ITGA1: variants seen among roughly 807,000 people sequenced by gnomAD.
The protein encoded by ITGA1 is integrin alpha-1.
In ITGA1, 85 loss-of-function variants were observed where a neutral mutation model predicts 145.9. The observed-to-expected ratio is 0.58, with a 90% CI of 0.49 to 0.70. The LOEUF (loss-of-function observed/expected upper bound fraction) is 0.70, where lower values mean the gene tolerates loss of function less well. Among genes scored for constraint, ITGA1 ranks in the 30% least tolerant of loss-of-function variants. The probability of loss-of-function intolerance (pLI) is 0.00; values close to 1 mark genes in which losing one functional copy is unlikely to be tolerated. For synonymous variants in ITGA1, 520 were observed against 495.3 expected (o/e 1.05, Z -0.66); for missense variants, 1,351 against 1,418.7 (o/e 0.95, Z 0.77).
chr5:52,863,260 G>T (rs542790088), intron 3 of ITGA1, among the ~76,000 whole-genome samples: 12 of 152,092 alleles, frequency 7.9e-5, no homozygotes, highest in Non-Finnish European at 1.2e-4. Context: ...TATACTCTGC[G>T]CATTTACTAT....
Position 52,864,865 on chromosome 5 carries a change from G to A in ITGA1, c.384+14G>A. On this transcript the variant is annotated intron_variant, in intron 4 of 28. Coordinates refer to ENST00000282588, the MANE Select transcript of ITGA1 (RefSeq NM_181501.2). Reference sequence around the variant, plus strand: ...GGAGGATTTCTGGTAAGAATGGAGAGAATGATATTTATTGACAACAGATAT... The same window carrying A: ...GGAGGATTTCTGGTAAGAATGGAGAAAATGATATTTATTGACAACAGATAT... The A allele has an allele frequency of 6.3e-7, 1 of 1,582,298 alleles. No homozygotes were observed. Among genetic ancestry groups the A allele is most frequent in the Non-Finnish European group, 8.7e-7 (1 of 1,152,072 alleles).
At position 52,941,664 on chromosome 5, in the gene ITGA1, T is replaced by C. The variant is rs1341280878; in HGVS notation, c.3285+1720T>C. Among the ~76,000 whole-genome samples, 4 of 152,238 alleles carry C rather than the reference T, an allele frequency of 2.6e-5. No homozygotes were observed. In the East Asian group the frequency reaches 5.8e-4, roughly 22 times the overall value. On this transcript the variant is annotated intron_variant, in intron 26 of 28. Transcript: ENST00000282588. ...CTTGCTGAGTTGTTCAAGTTCCTTA[T>C]TCTGGATATTAGACCTTTGTCAGAT... is the stretch of plus-strand genomic sequence containing the variant.
chr5:52,918,180 C>T (rs1404848023), intron 15 of ITGA1, among the ~76,000 whole-genome samples: 4 of 152,122 alleles, frequency 2.6e-5, no homozygotes, highest in Admixed American at 1.3e-4. Context: ...CTTTTCAGAG[C>T]CCCAGTTATC....
intron 6 of ITGA1, among the ~76,000 whole-genome samples, chr5:52,869,286 G>A (rs1426804456): frequency 1.3e-5 from 2 of 152,116 alleles, no homozygotes; most frequent in Admixed American, 6.6e-5. Flanking sequence ...TCAGCCTTCT[G>A]AGTAGCTGGG....
At chr5:52,875,924 C>T (rs1204617015) in intron 6 of ITGA1, among the ~76,000 whole-genome samples, 1 of 151,878 alleles carries the variant, frequency 6.6e-6, no homozygotes, top group East Asian at 1.9e-4. Flanking sequence ...TCTAGGATGA[C>T]TTAAACTCCT....
chr5:52,889,336 A>G (rs968617144), intron 8 of ITGA1, among the ~76,000 whole-genome samples: 10 of 152,270 alleles, frequency 6.6e-5, no homozygotes, highest in African/African-American at 2.4e-4. Flanking sequence ...TACTGACCTC[A>G]GGGGATCCAC....
chr5:52,897,416 A>T (rs1350455284), intron 9 of ITGA1, 39 bp from the exon 10 acceptor site: 1 of 1,394,742 alleles, frequency 7.2e-7, no homozygotes, highest in Non-Finnish European at 1.0e-6. Context: ...ATGAAAAGGC[A>T]TTGTTACTTA....
At chr5:52,845,091 GCA>G (rs1186514050) in intron 1 of ITGA1, among the ~76,000 whole-genome samples, 1 of 152,060 alleles carries the variant, frequency 6.6e-6, no homozygotes, top group Non-Finnish European at 1.5e-5. Context: ...AAGAAGTACA[GCA>G]CACACCCCCA....
At chr5:52,825,566 C>G (rs567790907) in intron 1 of ITGA1, among the ~76,000 whole-genome samples, 6 of 152,268 alleles carry the variant, frequency 3.9e-5, no homozygotes, top group Non-Finnish European at 7.4e-5. Context: ...CCAGCTGTTT[C>G]CTTCTCTCTC....
chr5:52,900,646 G>A (rs1487965415), intron 11 of ITGA1, among the ~76,000 whole-genome samples: 1 of 152,132 alleles, frequency 6.6e-6, no homozygotes, highest in African/African-American at 2.4e-5. Flanking sequence ...AGCAGTTATG[G>A]TACAAGGTGT....
intron 1 of ITGA1, among the ~76,000 whole-genome samples, chr5:52,822,079 A>G (rs568426399): frequency 1.3e-5 from 2 of 152,212 alleles, no homozygotes; most frequent in Non-Finnish European, 2.9e-5. Context: ...CAATGGGACT[A>G]TTTGAGAATT....
intron 26 of ITGA1, among the ~76,000 whole-genome samples, chr5:52,942,878 T>C (rs1751075975): frequency 6.6e-6 from 1 of 152,122 alleles, no homozygotes; most frequent in Admixed American, 6.5e-5. Context: ...ACCTTGAACA[T>C]TATTGGTGTA....
intron 1 of ITGA1, among the ~76,000 whole-genome samples, chr5:52,805,844 T>C (rs1224326102): frequency 6.6e-6 from 1 of 152,126 alleles, no homozygotes; most frequent in African/African-American, 2.4e-5. Context: ...GAGTCTGAAC[T>C]GTGGCATCAA....
At chr5:52,941,175 A>G (rs1462164025) in intron 26 of ITGA1, among the ~76,000 whole-genome samples, 2 of 152,160 alleles carry the variant, frequency 1.3e-5, no homozygotes, top group Non-Finnish European at 2.9e-5. Context: ...TATCCAGGCC[A>G]CTGTTGATGG....
intron 17 of ITGA1, among the ~76,000 whole-genome samples, chr5:52,921,108 TA>T (rs1350745111): frequency 6.6e-6 from 1 of 152,120 alleles, no homozygotes. Flanking sequence ...ACACTGTGTA[TA>T]TGGGGAATGT....
chr5:52,892,579 T>A (rs1370606179), intron 8 of ITGA1, among the ~76,000 whole-genome samples: 1 of 152,202 alleles, frequency 6.6e-6, no homozygotes, highest in Non-Finnish European at 1.5e-5. Context: ...ATTCATAATA[T>A]GTTGAAGCTG....
rs745984946 is a variant in ITGA1, at chr5:52,905,778, C to A, written c.1325C>A (p.Ser442Tyr). 3 of 1,613,368 alleles carry A rather than the reference C, an allele frequency of 1.9e-6. No homozygotes were observed. Among genetic ancestry groups the A allele is most frequent in the Non-Finnish European group, 2.5e-6 (3 of 1,179,602 alleles). The change falls in exon 12 of 29, where the codon TCT (serine) becomes TAT (tyrosine). Residue 442 changes from serine (S) to tyrosine (Y), a missense_variant. Coordinates refer to ENST00000282588, the MANE Select transcript of ITGA1 (RefSeq NM_181501.2). ...LASYLGYTVN[S>Y]ATASSGDVLY... is the part of the protein sequence containing the mutation. ...CTTTTGTTAGGTTACACTGTAAACT[C>A]TGCTACTGCTTCTTCTGGAGATGTG...
chr5:52,856,684 GA>G (rs2111763434), intron 2 of ITGA1, among the ~76,000 whole-genome samples: 1 of 39,124 alleles, frequency 2.6e-5, no homozygotes, highest in Admixed American at 2.4e-4. Context: ...AAGAGACAGA[GA>G]GAGAGAGAGA....
intron 12 of ITGA1, 133 bp downstream of exon 12, chr5:52,906,041 G>A: frequency 1.4e-6 from 1 of 704,960 alleles, no homozygotes; most frequent in Non-Finnish European, 2.3e-6. Flanking sequence ...CCCTGTGTTA[G>A]GTTCTTTGGA....
Sources: gnomAD v4.1 joint callset for allele counts (sites outside exome capture counted in the v4.1 genomes callset) on GRCh38, gnomAD v4.1.1 for gene constraint, MANE v1.5 for transcripts, NCBI Gene and HGNC (gene_info 2026-07-23, HGNC 2026-07-21) for gene names.